The following PBRM1 variants were observed in gnomAD, a reference collection of about 807,000 sequenced individuals.
PBRM1 encodes polybromo 1.
Under a neutral mutation model 194.5 loss-of-function variants are expected in PBRM1, and 27 were observed. The ratio of observed to expected loss-of-function variants is 0.14; its 90% CI spans 0.10 to 0.19. The LOEUF (loss-of-function observed/expected upper bound fraction) is 0.19, where lower values mean the gene tolerates loss of function less well. PBRM1 is among the 10% of genes least tolerant of loss of function. The pLI is 1.00. For missense variants in PBRM1, 1,466 were observed against 2,077.2 expected, an observed-to-expected ratio of 0.71 and a Z score of 5.72; for synonymous variants, 655 against 693.2, an observed-to-expected ratio of 0.94 and a Z score of 0.87.
At chr3:52,643,140 C>A in intron 9 of PBRM1, 108 bp downstream of exon 10, 1 of 827,214 alleles carries the variant, frequency 1.2e-6, no homozygotes, top group Non-Finnish European at 2.1e-6. Flanking sequence ...TCATTAACAA[C>A]CAAACTATAC....
chr3:52,561,725 C>T (rs759060702), intron 25 of PBRM1, 42 bp downstream of exon 27: 13 of 1,550,506 alleles, frequency 8.4e-6, no homozygotes, highest in Non-Finnish European at 1.1e-5. Flanking sequence ...TCCTGAAACA[C>T]CCCCTTGCTT....
At chr3:52,558,671 C>T (rs2082732961) in intron 25 of PBRM1, among the ~76,000 whole-genome samples, 1 of 152,182 alleles carries the variant, frequency 6.6e-6, no homozygotes, top group Non-Finnish European at 1.5e-5. Flanking sequence ...ATTCAGAAAG[C>T]ACAGGTTTTA....
At chr3:52,678,309 C>T (rs566378054) in intron 2 of PBRM1, among the ~76,000 whole-genome samples, 191 bp downstream of exon 3, 39 of 152,002 alleles carry the variant, frequency 2.6e-4, no homozygotes, top group South Asian at 6.2e-4. Context: ...TGTTACTGTG[C>T]CTGGCTCAAC....
chr3:52,550,572 T>C, exon 29 of PBRM1: 1 of 1,537,334 alleles, frequency 6.5e-7, no homozygotes, highest in East Asian at 2.3e-5. Flanking sequence ...TGACAGGGGG[T>C]CCAGCTGGAT....
At chr3:52,667,851 G>A (rs1227286839) in intron 3 of PBRM1, among the ~76,000 whole-genome samples, 2 of 151,198 alleles carry the variant, frequency 1.3e-5, no homozygotes, top group African/African-American at 4.9e-5. Context: ...CTTGAGGCCA[G>A]GAGTTTGAGA....
At chr3:52,601,603 T>C (rs1198473884) in intron 17 of PBRM1, among the ~76,000 whole-genome samples, 2 of 144,618 alleles carry the variant, frequency 1.4e-5, no homozygotes, top group Non-Finnish European at 3.0e-5. Context: ...GGGGAGGAGG[T>C]GGGGGTGCCT....
exon 11 of PBRM1, chr3:52,634,761 T>C (rs767987709): frequency 1.9e-6 from 3 of 1,614,074 alleles, no homozygotes; most frequent in Non-Finnish European, 2.5e-6. Flanking sequence ...ATTTGAAACA[T>C]CCATAAAGGA....
chr3:52,650,155 G>C (rs2096447966), intron 6 of PBRM1, among the ~76,000 whole-genome samples: 1 of 152,002 alleles, frequency 6.6e-6, no homozygotes, highest in East Asian at 1.9e-4. Flanking sequence ...TTGAAGTCAG[G>C]AGTTCGAGAT....
chr3:52,642,318 C>A (rs2096123741), intron 9 of PBRM1, among the ~76,000 whole-genome samples: 1 of 151,918 alleles, frequency 6.6e-6, no homozygotes, highest in Non-Finnish European at 1.5e-5. Flanking sequence ...TTTTACAATA[C>A]AAATTCTATT....
chr3:52,643,420 A>C (rs1264147261), intron 8 of PBRM1, 77 bp from the exon 10 acceptor site: 1 of 875,998 alleles, frequency 1.1e-6, no homozygotes, highest in East Asian at 2.4e-5. Flanking sequence ...CACACACACA[A>C]CCATTTTCTT....
chr3:52,584,104 T>C (rs1473214251), intron 20 of PBRM1, among the ~76,000 whole-genome samples: 1 of 152,198 alleles, frequency 6.6e-6, no homozygotes, highest in African/African-American at 2.4e-5. Flanking sequence ...CTGTCACATA[T>C]TTATTCTTAA....
At chr3:52,676,216 C>A (rs1561102046) in intron 2 of PBRM1, among the ~76,000 whole-genome samples, 1 of 146,546 alleles carries the variant, frequency 6.8e-6, no homozygotes, top group Admixed American at 6.8e-5. Flanking sequence ...GATCAAAGGC[C>A]TAAATGTAAG....
At chr3:52,570,050 C>A (rs563094572) in intron 22 of PBRM1, among the ~76,000 whole-genome samples, 2 of 152,338 alleles carry the variant, frequency 1.3e-5, no homozygotes, top group South Asian at 4.1e-4. Context: ...TGGCTCACTG[C>A]AACCTCCACC....
upstream of PBRM1, among the ~76,000 whole-genome samples, chr3:52,680,121 A>C (rs2097177895): frequency 6.6e-6 from 1 of 152,182 alleles, no homozygotes; most frequent in African/African-American, 2.4e-5. Flanking sequence ...GCCCCAAGGT[A>C]TCCACCTCTG....
chr3:52,640,315 G>C (rs1237338593), intron 10 of PBRM1, among the ~76,000 whole-genome samples: 1 of 151,934 alleles, frequency 6.6e-6, no homozygotes, highest in Admixed American at 6.6e-5. Context: ...GTCTCACTCT[G>C]TTGCCCAGGC....
rs77260659 is a variant in PBRM1, at chr3:52,658,838, T to C, written c.529-523A>G. The stretch of plus-strand genomic sequence containing the variant: ...GCCTTATATTATTTTTGCAATGAAA[T>C]CCCTTGTACTAGGTCCTTCTACTGA... On this transcript the variant is annotated intron_variant, in intron 4 of 29. Transcript: ENST00000296302. 3.1e-3 allele frequency among the ~76,000 whole-genome samples: 475 copies of C among 152,318 alleles called. 5 individuals are homozygous for C. The highest frequency in any genetic ancestry group is 0.029 in the East Asian group (148 of 5,184).
chr3:52,664,243 T>A (rs560197991), intron 3 of PBRM1, among the ~76,000 whole-genome samples: 98 of 149,360 alleles, frequency 6.6e-4, no homozygotes, highest in African/African-American at 1.7e-3. Context: ...TTTAAAAAAA[T>A]AAATAAATAA....
intron 12 of PBRM1, among the ~76,000 whole-genome samples, chr3:52,627,716 G>A (rs1292367516): frequency 2.0e-5 from 3 of 152,170 alleles, no homozygotes; most frequent in Non-Finnish European, 2.9e-5. Context: ...GAGGGCCTTT[G>A]GTACTCCTGA....
At chr3:52,667,972 GCAGA>G (rs2096873445) in intron 3 of PBRM1, among the ~76,000 whole-genome samples, 1 of 152,052 alleles carries the variant, frequency 6.6e-6, no homozygotes. Flanking sequence ...AAAGATTTGA[GCAGA>G]CAGAGAAATA....
Sources: allele counts gnomAD v4.1 joint callset (sites outside exome capture counted in the v4.1 genomes callset), GRCh38; gene constraint gnomAD v4.1.1; transcripts MANE v1.5; gene names NCBI Gene and HGNC (gene_info 2026-07-23, HGNC 2026-07-21).